The following OR1J2 variants were observed in gnomAD, a reference collection of about 807,000 sequenced individuals.
OR1J2 encodes olfactory receptor 1J2.
For missense variants in OR1J2, 304 were observed against 246.1 expected (o/e 1.24, Z -1.57); for synonymous variants, 142 against 99.7 (o/e 1.42, Z -2.52).
the OR1J2 span, among the ~76,000 whole-genome samples, chr9:122,559,723 G>T: frequency 6.6e-6 from 1 of 152,076 alleles, no homozygotes; most frequent in African/African-American, 2.4e-5. Flanking sequence ...GCATTTGCTG[G>T]GGAGTTTTTT....
the OR1J2 span, among the ~76,000 whole-genome samples, chr9:122,498,994 A>G: frequency 6.6e-6 from 1 of 152,246 alleles, no homozygotes; most frequent in African/African-American, 2.4e-5. Flanking sequence ...ACTATAGGTA[A>G]CAGCTGGCTG....
chr9:122,565,499 C>T, the OR1J2 span, among the ~76,000 whole-genome samples: 1 of 152,212 alleles, frequency 6.6e-6, no homozygotes, highest in Admixed American at 6.5e-5. Flanking sequence ...CTCCCACTAA[C>T]CAGGGCTGAC....
chr9:122,458,688 C>T, the OR1J2 span, among the ~76,000 whole-genome samples: 4 of 152,184 alleles, frequency 2.6e-5, no homozygotes, highest in Non-Finnish European at 5.9e-5. Context: ...CACTGGGTCC[C>T]ACCCATGACA....
chr9:122,511,385 A>G lies in OR1J2; in HGVS notation c.584A>G (p.Asn195Ser), dbSNP rs376236456. The G allele has an allele frequency of 3.3e-5, 25 of 748,530 alleles. No homozygotes were observed. Among genetic ancestry groups the G allele is most frequent in the African/African-American group, 2.7e-4 (16 of 58,468 alleles). 46.4% of individuals were successfully genotyped at this position (748,530 alleles called of 1,614,324 possible). A position where few individuals can be genotyped will look rare whatever the true frequency, so the allele number is the denominator to read the frequency against. ...LKLSCSDIFL[N>S]ELVMFTVGVV... ...CTGTCCTGCTCAGATATCTTCCTCA[A>G]TGAGCTGGTCATGTTCACAGTAGGG... Residue 195 changes from asparagine to serine, a missense_variant, in exon 1 of 1, where the codon AAT becomes AGT. By Grantham distance (46) the Asn-to-Ser change is conservative. Coordinates refer to ENST00000335302, the MANE Select transcript of OR1J2 (RefSeq NM_054107.1).
the OR1J2 span, among the ~76,000 whole-genome samples, chr9:122,483,544 A>T: frequency 6.6e-6 from 1 of 152,218 alleles, no homozygotes; most frequent in Admixed American, 6.5e-5. Context: ...TATATTATTT[A>T]TGGGCACATA....
At chr9:122,476,146 A>G in the OR1J2 span, among the ~76,000 whole-genome samples, 1 of 152,200 alleles carries the variant, frequency 6.6e-6, no homozygotes, top group Non-Finnish European at 1.5e-5. Flanking sequence ...GAACATCTGT[A>G]TGTGTTTGGG....
At chr9:122,558,311 C>CTTTTTTTTTTTTT in the OR1J2 span, among the ~76,000 whole-genome samples, 10 of 34,472 alleles carry the variant, frequency 2.9e-4, 3 homozygotes, top group Non-Finnish European at 4.8e-4. Flanking sequence ...TTGGATTTTG[C>CTTTTTTTTTTTTT]TTTTTTTTTT....
the OR1J2 span, chr9:122,526,588 A>T: frequency 6.2e-7 from 1 of 1,614,102 alleles, no homozygotes. Flanking sequence ...CAGGTGGAAA[A>T]GGCCTTGCCC....
chr9:122,554,249 A>G, the OR1J2 span: 1 of 1,015,596 alleles, frequency 9.8e-7, no homozygotes. Context: ...TCATGTTGAT[A>G]TTAGGGGAAG....
At chr9:122,466,320 T>A in the OR1J2 span, among the ~76,000 whole-genome samples, 22 of 152,182 alleles carry the variant, frequency 1.4e-4, no homozygotes, top group Non-Finnish European at 2.8e-4. Flanking sequence ...CAAAACCTAA[T>A]GAACCAGATT....
the OR1J2 span, chr9:122,568,237 TG>T: frequency 6.2e-7 from 1 of 1,614,108 alleles, no homozygotes; most frequent in East Asian, 2.2e-5. Flanking sequence ...ATCAGCATCT[TG>T]GGGACAACGC....
At chr9:122,492,296 C>G in the OR1J2 span, among the ~76,000 whole-genome samples, 1 of 152,100 alleles carries the variant, frequency 6.6e-6, no homozygotes, top group Non-Finnish European at 1.5e-5. Flanking sequence ...ATAATGACCT[C>G]CAGCTGCATT....
At chr9:122,502,401 C>G in the OR1J2 span, among the ~76,000 whole-genome samples, 15 of 152,350 alleles carry the variant, frequency 9.8e-5, no homozygotes, top group African/African-American at 3.6e-4. Context: ...TCTCACTTCT[C>G]CACCATCCAT....
the OR1J2 span, among the ~76,000 whole-genome samples, chr9:122,453,343 A>T: frequency 6.6e-6 from 1 of 151,992 alleles, no homozygotes; most frequent in African/African-American, 2.4e-5. Flanking sequence ...CTGGGAGAGA[A>T]CTCCCCCTAG....
chr9:122,525,360 G>T, the OR1J2 span, among the ~76,000 whole-genome samples: 1 of 152,128 alleles, frequency 6.6e-6, no homozygotes. Context: ...GAATAGGTTA[G>T]GTCTGAGAAA....
the OR1J2 span, among the ~76,000 whole-genome samples, chr9:122,480,519 G>T: frequency 1.1e-4 from 16 of 150,068 alleles, no homozygotes; most frequent in African/African-American, 3.7e-4. Flanking sequence ...TGTCATGGGG[G>T]TTTGTTGTAC....
chr9:122,550,572 G>T, the OR1J2 span, among the ~76,000 whole-genome samples: 4 of 149,620 alleles, frequency 2.7e-5, no homozygotes, highest in Non-Finnish European at 5.9e-5. Context: ...TTTTTTTTTT[G>T]AGGAATACAA....
the OR1J2 span, among the ~76,000 whole-genome samples, chr9:122,494,495 A>G: frequency 1.2e-4 from 18 of 152,222 alleles, no homozygotes; most frequent in African/African-American, 4.3e-4. Context: ...GATATAAGAA[A>G]AGCTATTCTT....
the OR1J2 span, among the ~76,000 whole-genome samples, chr9:122,464,998 T>C: frequency 6.6e-6 from 1 of 152,226 alleles, no homozygotes; most frequent in Non-Finnish European, 1.5e-5. Flanking sequence ...TTGATTCTTT[T>C]CTTCCTCTAT....
Sources: gnomAD v4.1 joint callset for allele counts (sites outside exome capture counted in the v4.1 genomes callset) on GRCh38, gnomAD v4.1.1 for gene constraint, MANE v1.5 for transcripts, NCBI Gene and HGNC (gene_info 2026-07-23, HGNC 2026-07-21) for gene names.